CACNA1E: variants seen among roughly 807,000 people sequenced by gnomAD.
CACNA1E encodes the protein voltage-dependent R-type calcium channel subunit alpha-1E.
Under a neutral mutation model 259.2 loss-of-function variants are expected in CACNA1E, and 40 were observed. The ratio of observed to expected loss-of-function variants is 0.15; its 90% CI spans 0.12 to 0.20. The LOEUF is 0.20. Among genes scored for constraint, CACNA1E ranks in the 10% least tolerant of loss-of-function variants. The pLI, the probability that CACNA1E is intolerant of heterozygous loss-of-function variation, is 1.00. For synonymous variants in CACNA1E, 1,104 were observed against 1,138.5 expected, an observed-to-expected ratio of 0.97 and a Z score of 0.61; for missense variants, 1,874 against 3,040.1, an observed-to-expected ratio of 0.62 and a Z score of 9.02.
chr1:181,433,314 A>G (rs114513808), intron 2 of CACNA1E, among the ~76,000 whole-genome samples: 2 of 152,160 alleles, frequency 1.3e-5, no homozygotes, highest in African/African-American at 4.8e-5. Flanking sequence ...TGCTTTCCTG[A>G]TTTGGAATCA....
intron 6 of CACNA1E, among the ~76,000 whole-genome samples, chr1:181,601,628 T>A (rs934537072): frequency 1.3e-5 from 2 of 152,212 alleles, no homozygotes; most frequent in African/African-American, 2.4e-5. Flanking sequence ...TTATCCAGAA[T>A]CTGCCTACCA....
chr1:181,398,303 A>G (rs1656838274), intron 1 of CACNA1E, among the ~76,000 whole-genome samples: 1 of 152,198 alleles, frequency 6.6e-6, no homozygotes, highest in East Asian at 1.9e-4. Context: ...ACAAAATAAA[A>G]ACAAAACTTT....
intron 6 of CACNA1E, among the ~76,000 whole-genome samples, chr1:181,643,355 G>C (rs12069671): frequency 0.2 from 30,618 of 152,206 alleles, 3,435 homozygotes; most frequent in African/African-American, 0.29. Context: ...TAGGATTTAA[G>C]CAGAGGGATT....
At chr1:181,493,037 G>A (rs1182523959) in intron 1 of CACNA1E, among the ~76,000 whole-genome samples, 1 of 152,158 alleles carries the variant, frequency 6.6e-6, no homozygotes, top group Non-Finnish European at 1.5e-5. Context: ...GGACCATTAA[G>A]TCCCTCTAGT....
intron 2 of CACNA1E, among the ~76,000 whole-genome samples, chr1:181,438,232 CT>C (rs1660220766): frequency 6.6e-6 from 1 of 152,178 alleles, no homozygotes. Flanking sequence ...CCACCCACTG[CT>C]TTCACTTCCG....
At chr1:181,542,442 A>G (rs187852941) in intron 3 of CACNA1E, among the ~76,000 whole-genome samples, 1 of 152,178 alleles carries the variant, frequency 6.6e-6, no homozygotes, top group African/African-American at 2.4e-5. Context: ...TCTCATCTTG[A>G]ATTGTAATCT....
In CACNA1E at chr1:181,570,516, C is replaced by A. The variant is rs371089055; in HGVS notation, c.513-7250C>A. On this transcript the variant is annotated intron_variant, in intron 3 of 47. Coordinates refer to ENST00000367573, the MANE Select transcript of CACNA1E (RefSeq NM_001205293.3). ...TGGCTTAAAGCAACACGTGTATTTT[C>A]TTACAGTTCTGGAAGTCAGAAGTCT... 8.5e-5 allele frequency among the ~76,000 whole-genome samples: 13 copies of A among 152,324 alleles called. No homozygotes were observed. The South Asian group carries it at 1.4e-3, about 17-fold the overall frequency.
chr1:181,700,397 G>T lies in CACNA1E; in HGVS notation c.1056-10557G>T, dbSNP rs567965918. On this transcript the variant is annotated intron_variant, in intron 7 of 47. Coordinates refer to ENST00000367573, the MANE Select transcript of CACNA1E (RefSeq NM_001205293.3). ...TGTTCCCAAATCTGAACTGCTTCTT[G>T]TCTGGTGGCTGCCCGTAGTGTGTGG... 2.0e-5 allele frequency among the ~76,000 whole-genome samples: 3 copies of T among 152,262 alleles called. No individual in the cohort carries two copies. In the East Asian group the frequency reaches 5.8e-4, roughly 29 times the overall value.
chr1:181,589,668 A>G (rs752396614), intron 6 of CACNA1E, among the ~76,000 whole-genome samples: 1 of 152,088 alleles, frequency 6.6e-6, no homozygotes, highest in Non-Finnish European at 1.5e-5. Flanking sequence ...GCAGTGTGCT[A>G]TGATTGACCT....
At chr1:181,373,256 A>C (rs1244113791) in intron 1 of CACNA1E, among the ~76,000 whole-genome samples, 1 of 152,204 alleles carries the variant, frequency 6.6e-6, no homozygotes, top group African/African-American at 2.4e-5. Flanking sequence ...CTGTGAATCT[A>C]TCTGGTCCAG....
At chr1:181,739,093 C>G (rs566108014) in intron 24 of CACNA1E, 54 bp from the exon 25 acceptor site, 72 of 1,032,966 alleles carry the variant, frequency 7.0e-5, no homozygotes, top group Admixed American at 2.9e-4. Context: ...GAGCTCAGGT[C>G]AAGTGTTGCC....
intron 37 of CACNA1E, among the ~76,000 whole-genome samples, chr1:181,774,652 G>A (rs1268783451): frequency 1.3e-5 from 2 of 152,068 alleles, no homozygotes; most frequent in Admixed American, 1.3e-4. Context: ...GGCAGCAGGA[G>A]AAAAGAAGGA....
chr1:181,638,698 C>A (rs564283880), intron 6 of CACNA1E, among the ~76,000 whole-genome samples: 3 of 152,272 alleles, frequency 2.0e-5, no homozygotes, highest in East Asian at 3.9e-4. Flanking sequence ...GGAGAGACCA[C>A]GTAGAGGTGA....
chr1:181,436,614 G>C (rs914482216), intron 2 of CACNA1E, among the ~76,000 whole-genome samples: 6 of 152,208 alleles, frequency 3.9e-5, no homozygotes, highest in African/African-American at 1.4e-4. Context: ...GCACCGAAAT[G>C]CCAATATCAT....
At chr1:181,434,783 G>A (rs541569796) in intron 2 of CACNA1E, among the ~76,000 whole-genome samples, 147 of 152,338 alleles carry the variant, frequency 9.6e-4, no homozygotes, top group East Asian at 1.9e-4. Flanking sequence ...ACACTTCGGA[G>A]CTCAGGGTGA....
At position 181,581,120 on chromosome 1, in the gene CACNA1E, G is replaced by T. The variant is rs189012509; in HGVS notation, c.951+344G>T. 1.9e-3 allele frequency among the ~76,000 whole-genome samples: 291 copies of T among 152,210 alleles called. 6 individuals are homozygous for T. Among genetic ancestry groups the T allele is most frequent in the Admixed American group, 0.019 (287 of 15,290 alleles). On this transcript the variant is annotated intron_variant, in intron 6 of 47. Transcript: ENST00000367573. ...GTGAAGGGTACTAATGTATGATACT[G>T]GCTGCCCAGTAGAATTAGCTGGAAG... is the stretch of plus-strand genomic sequence containing the variant.
intron 1 of CACNA1E, among the ~76,000 whole-genome samples, chr1:181,323,587 A>AT (rs1374112177): frequency 6.6e-6 from 1 of 151,996 alleles, no homozygotes; most frequent in African/African-American, 2.4e-5. Flanking sequence ...ATACAATAGG[A>AT]TTTTTTTGTT....
At chr1:181,654,217 T>A (rs1659001356) in intron 7 of CACNA1E, among the ~76,000 whole-genome samples, 1 of 148,490 alleles carries the variant, frequency 6.7e-6, no homozygotes, top group Non-Finnish European at 1.5e-5. Flanking sequence ...TACATTCATT[T>A]TACAAAGTAA....
At chr1:181,611,226 A>C (rs1443383934) in intron 6 of CACNA1E, among the ~76,000 whole-genome samples, 2 of 152,090 alleles carry the variant, frequency 1.3e-5, no homozygotes, top group African/African-American at 4.8e-5. Flanking sequence ...CCATCAACAC[A>C]CTTCTACCTC....
Sources: gnomAD v4.1 joint callset for allele counts (sites outside exome capture counted in the v4.1 genomes callset) on GRCh38, gnomAD v4.1.1 for gene constraint, MANE v1.5 for transcripts, NCBI Gene and HGNC (gene_info 2026-07-23, HGNC 2026-07-21) for gene names.